The following ZNF480 variants were observed in gnomAD, a reference collection of about 807,000 sequenced individuals.
ZNF480 encodes zinc finger protein 480.
ZNF480 carries 15 observed loss-of-function variants against 14.4 expected under a neutral mutation model. The observed-to-expected ratio is 1.04, with a 90% CI of 0.70 to 1.60. ZNF480 has a LOEUF of 1.60. ZNF480 is among the 40% of genes most tolerant of loss of function. The pLI, the probability that ZNF480 is intolerant of heterozygous loss-of-function variation, is 0.00. For synonymous variants in ZNF480, 218 were observed against 215.5 expected, an observed-to-expected ratio of 1.01 and a Z score of -0.10; for missense variants, 593 against 629.7, an observed-to-expected ratio of 0.94 and a Z score of 0.62.
intron 1 of ZNF480, among the ~76,000 whole-genome samples, chr19:52,298,916 C>G (rs1171729115): frequency 2.0e-5 from 3 of 152,052 alleles, no homozygotes; most frequent in African/African-American, 7.3e-5. Context: ...AAGAGGGAAC[C>G]CTGGGTGCAG....
At chr19:52,298,491 G>A (rs1982522897) in intron 1 of ZNF480, among the ~76,000 whole-genome samples, 1 of 152,090 alleles carries the variant, frequency 6.6e-6, no homozygotes. Context: ...AAATTAGCCG[G>A]GCGTCAGCGC....
chr19:52,302,870 AT>A (rs1982762379), intron 2 of ZNF480, among the ~76,000 whole-genome samples: 1 of 152,208 alleles, frequency 6.6e-6, no homozygotes. Context: ...AGTGTCTGGC[AT>A]TAGATATTGC....
rs1172774622 is a variant in ZNF480 at position 52,325,052 on chromosome 19, T to G, written c.*2194T>G. The G allele has an allele frequency of 1.3e-5, 2 of 151,958 alleles. No homozygotes were observed. The highest frequency in any genetic ancestry group is 2.9e-5 in the Non-Finnish European group (2 of 67,988). The allele number at this position is 151,958 out of a possible 1,614,324, so 9.4% of individuals were successfully genotyped here. ...ATCTAATCCAGAATCTATAAAGAAC[T>G]CAAACAAATCAACAATGAGAAAAAC... On this transcript the variant is annotated 3_prime_UTR_variant, in exon 5 of 5. Transcript: ENST00000595962.
rs1649765127 is a variant in ZNF480, at chr19:52,324,965, A to C, written c.*2107A>C. On this transcript the variant is annotated 3_prime_UTR_variant, in exon 5 of 5. Coordinates refer to ENST00000595962, the MANE Select transcript of ZNF480 (RefSeq NM_144684.4). Reference sequence around the variant, plus strand: ...TTAAACTAAATAACTTCTGCACAGCAAAAGAAGCTATTTGCAGACTACAGA... The same window carrying C: ...TTAAACTAAATAACTTCTGCACAGCCAAAGAAGCTATTTGCAGACTACAGA... 6.6e-6 allele frequency: 1 copy of C among 152,226 alleles called. No individual in the cohort carries two copies. Among genetic ancestry groups the C allele is most frequent in the African/African-American group, 2.4e-5 (1 of 41,468 alleles). 9.4% of individuals were successfully genotyped at this position (152,226 alleles called of 1,614,324 possible).
chr19:52,310,164 T>TCA (rs1983200275), intron 2 of ZNF480, among the ~76,000 whole-genome samples: 1 of 152,174 alleles, frequency 6.6e-6, no homozygotes, highest in South Asian at 2.1e-4. Flanking sequence ...CAAGCAATTC[T>TCA]CATGCCTCAG....
rs1266370365 is a variant in ZNF480, at chr19:52,302,018, A to G, written c.72+1534A>G. On this transcript the variant is annotated intron_variant, in intron 2 of 4. Transcript: ENST00000595962. ...AGGAGGCCTTATTGTCAGTCTCGAC[A>G]TGGCTGCAACTGGGGGGTCCTCGGG... 25 of 191,026 alleles carry G rather than the reference A, an allele frequency of 1.3e-4. No individual in the cohort carries two copies. In the East Asian group the frequency reaches 3.5e-3, roughly 27 times the overall value. The allele number at this position is 191,026 out of a possible 1,614,324, so 11.8% of individuals were successfully genotyped here.
intron 2 of ZNF480, among the ~76,000 whole-genome samples, chr19:52,308,081 G>A (rs1482718978): frequency 2.0e-5 from 3 of 152,044 alleles, no homozygotes; most frequent in Non-Finnish European, 2.9e-5. Flanking sequence ...ACTGGGCATG[G>A]TTCTGGGAAG....
At position 52,304,297 on chromosome 19, in the gene ZNF480, G is replaced by A. The variant is rs1010207080; in HGVS notation, c.72+3813G>A. On this transcript the variant is annotated intron_variant, in intron 2 of 4. Coordinates refer to ENST00000595962, the MANE Select transcript of ZNF480 (RefSeq NM_144684.4). Reference sequence around the variant, plus strand: ...ATTAAAGGCCAATTTTTTAGAATCAGCAGGAAAAGGCAGTCCTGGCTGCAA... The same window carrying A: ...ATTAAAGGCCAATTTTTTAGAATCAACAGGAAAAGGCAGTCCTGGCTGCAA... Among the ~76,000 whole-genome samples the A allele has an allele frequency of 2.6e-5, 4 of 152,308 alleles. No individual in the cohort carries two copies. The South Asian group carries it at 8.3e-4, about 32-fold the overall frequency.
intron 2 of ZNF480, among the ~76,000 whole-genome samples, chr19:52,302,784 A>G (rs1982758057): frequency 6.6e-6 from 1 of 152,230 alleles, no homozygotes; most frequent in Non-Finnish European, 1.5e-5. Context: ...TTGCTGGATA[A>G]TAGATTTAGC....
chr19:52,304,775 C>A (rs1053601479), intron 2 of ZNF480, among the ~76,000 whole-genome samples: 1 of 152,006 alleles, frequency 6.6e-6, no homozygotes, highest in African/African-American at 2.4e-5. Flanking sequence ...TGTAATAAAT[C>A]TCTTCCCCAT....
intron 2 of ZNF480, among the ~76,000 whole-genome samples, chr19:52,311,404 C>G (rs1983279543): frequency 6.6e-6 from 1 of 152,022 alleles, no homozygotes; most frequent in South Asian, 2.1e-4. Flanking sequence ...TCTCAAACCC[C>G]TGTCCTCAAG....
intron 2 of ZNF480, among the ~76,000 whole-genome samples, chr19:52,309,886 A>G (rs1983185832): frequency 6.6e-6 from 1 of 152,130 alleles, no homozygotes; most frequent in Non-Finnish European, 1.5e-5. Context: ...AGAGTTGCAG[A>G]TTTCTAACAC....
chr19:52,302,583 G>A (rs190549197), intron 2 of ZNF480, among the ~76,000 whole-genome samples: 2 of 152,312 alleles, frequency 1.3e-5, no homozygotes, highest in East Asian at 1.9e-4. Context: ...AACACAGGCA[G>A]AAGAGTCCCT....
chr19:52,305,912 A>G (rs1982906742), intron 2 of ZNF480, among the ~76,000 whole-genome samples: 1 of 152,078 alleles, frequency 6.6e-6, no homozygotes, highest in South Asian at 2.1e-4. Context: ...TTTTGGACAT[A>G]TTTCAGGGTC....
At chr19:52,321,340 T>C (rs1983798927) in intron 4 of ZNF480, among the ~76,000 whole-genome samples, 1 of 152,144 alleles carries the variant, frequency 6.6e-6, no homozygotes, top group Non-Finnish European at 1.5e-5. Flanking sequence ...CTGTTCTATC[T>C]CTCTACTCAT....
rs966630060 is a variant in ZNF480 at position 52,324,385 on chromosome 19, C to T, written c.*1527C>T. On this transcript the variant is annotated 3_prime_UTR_variant, in exon 5 of 5. Coordinates refer to ENST00000595962, the MANE Select transcript of ZNF480 (RefSeq NM_144684.4). ...CCCAAAGCAATTTACAGAGCCAATG[C>T]TATTTCTATCAAACTACCAATGGCA... 1 of 152,234 alleles carries T rather than the reference C, an allele frequency of 6.6e-6. No homozygotes were observed. Among genetic ancestry groups the T allele is most frequent in the Admixed American group, 6.5e-5 (1 of 15,282 alleles). The allele number at this position is 152,234 out of a possible 1,614,324, so 9.4% of individuals were successfully genotyped here.
intron 2 of ZNF480, among the ~76,000 whole-genome samples, chr19:52,306,834 G>A (rs902593290): frequency 6.6e-6 from 1 of 152,102 alleles, no homozygotes; most frequent in Non-Finnish European, 1.5e-5. Flanking sequence ...GAGAGCAGTT[G>A]CTTGAGGCGC....
At chr19:52,314,306 G>A (rs778472518) in intron 3 of ZNF480, 27 bp downstream of exon 3, 68 of 1,489,328 alleles carry the variant, frequency 4.6e-5, no homozygotes, top group Middle Eastern at 1.9e-4. Flanking sequence ...TGCAGAAGCC[G>A]GGATCTGCCC....
At chr19:52,316,194 C>CTTTCTT (rs368914598) in intron 4 of ZNF480, among the ~76,000 whole-genome samples, 7 of 142,694 alleles carry the variant, frequency 4.9e-5, no homozygotes, top group South Asian at 2.3e-4. Flanking sequence ...CTCTCTCTTT[C>CTTTCTT]TCTTTCTTTC....
Sources: allele counts gnomAD v4.1 joint callset (sites outside exome capture counted in the v4.1 genomes callset), GRCh38; gene constraint gnomAD v4.1.1; transcripts MANE v1.5; gene names NCBI Gene and HGNC (gene_info 2026-07-23, HGNC 2026-07-21).